The following RBFOX1 variants were observed in gnomAD, a reference collection of about 807,000 sequenced individuals.
RBFOX1 encodes the protein RNA binding fox-1 homolog 1.
In RBFOX1, 8 loss-of-function variants were observed where a neutral mutation model predicts 57.7. The observed-to-expected ratio is 0.14, with a 90% CI of 0.08 to 0.25. RBFOX1 has a LOEUF of 0.25. Among genes scored for constraint, RBFOX1 ranks in the 10% least tolerant of loss-of-function variants. RBFOX1 has a pLI of 1.00. For synonymous variants in RBFOX1, 326 were observed against 222.4 expected (o/e 1.47, Z -4.15); for missense variants, 611 against 548.5 (o/e 1.11, Z -1.14).
Position 7,504,787 on chromosome 16 carries a change from T to TTTATATATATATATATATTTA in RBFOX1, c.28-13359_28-13358insTATATATATATATATATTTAT, listed in dbSNP as rs1567555340. Among the ~76,000 whole-genome samples, 3 of 9,370 alleles carry TTTATATATATATATATATTTA rather than the reference T, an allele frequency of 3.2e-4. 1 individual carries two copies. The highest frequency in any genetic ancestry group is 1.1e-3 in the African/African-American group (3 of 2,732). The allele number at this position is 9,370 out of a possible 152,430, so 6.1% of individuals were successfully genotyped here. ...TATATATATTTATATATATATATAT[T>TTTATATATATATATATATTTA]TATATATATATATATTTATATATAT... is the stretch of plus-strand genomic sequence containing the variant. On this transcript the variant is annotated intron_variant, in intron 4 of 15. Coordinates refer to ENST00000550418, the MANE Select transcript of RBFOX1 (RefSeq NM_018723.4).
At chr16:6,219,085 T>TA (rs1265397577) in intron 1 of RBFOX1, among the ~76,000 whole-genome samples, 1 of 152,130 alleles carries the variant, frequency 6.6e-6, no homozygotes, top group Non-Finnish European at 1.5e-5. Context: ...AGAGGGGCAA[T>TA]AAAAAATCAA....
chr16:7,249,370 C>T (rs1482215241), intron 4 of RBFOX1, among the ~76,000 whole-genome samples: 3 of 151,960 alleles, frequency 2.0e-5, no homozygotes, highest in Non-Finnish European at 4.4e-5. Flanking sequence ...CAAAATCTAC[C>T]TGAGAATTTG....
intron 1 of RBFOX1, chr16:5,240,238 C>T (rs1397391708): frequency 3.4e-5 from 23 of 677,058 alleles, no homozygotes; most frequent in Non-Finnish European, 5.3e-5. Context: ...CTCCGGCGGG[C>T]GCGGAGTGAC....
At chr16:7,091,214 C>G (rs2060797033) in intron 4 of RBFOX1, among the ~76,000 whole-genome samples, 1 of 151,896 alleles carries the variant, frequency 6.6e-6, no homozygotes, top group Non-Finnish European at 1.5e-5. Context: ...TCCAAGTACA[C>G]TTCCTCTGTT....
chr16:7,604,366 A>G (rs1236710788), intron 9 of RBFOX1, among the ~76,000 whole-genome samples: 3 of 152,218 alleles, frequency 2.0e-5, no homozygotes, highest in Non-Finnish European at 4.4e-5. Context: ...TGATGACCCA[A>G]GCATTTCATT....
chr16:7,679,838 C>A (rs1440587759), intron 14 of RBFOX1, among the ~76,000 whole-genome samples: 1 of 151,996 alleles, frequency 6.6e-6, no homozygotes, highest in African/African-American at 2.4e-5. Flanking sequence ...GCAGAGATTT[C>A]CCCAAAAGAA....
At chr16:6,743,728 G>A (rs936242231) in intron 3 of RBFOX1, among the ~76,000 whole-genome samples, 1 of 151,656 alleles carries the variant, frequency 6.6e-6, no homozygotes, top group Non-Finnish European at 1.5e-5. Context: ...GCACTCCACT[G>A]CACTCAGGGC....
chr16:5,367,296 G>A (rs905879258), intron 1 of RBFOX1, among the ~76,000 whole-genome samples: 17 of 152,176 alleles, frequency 1.1e-4, no homozygotes, highest in African/African-American at 2.9e-4. Flanking sequence ...CAGTGATGCG[G>A]TTGCTCGCTC....
At chr16:7,316,468 C>G (rs879854184) in intron 4 of RBFOX1, among the ~76,000 whole-genome samples, 2 of 151,972 alleles carry the variant, frequency 1.3e-5, no homozygotes, top group Non-Finnish European at 2.9e-5. Flanking sequence ...AATTAATTTA[C>G]TCACTCATTC....
At chr16:7,228,719 A>G (rs2093307021) in intron 4 of RBFOX1, among the ~76,000 whole-genome samples, 1 of 152,234 alleles carries the variant, frequency 6.6e-6, no homozygotes, top group South Asian at 2.1e-4. Context: ...GACGTGAAAG[A>G]ACATTAATTC....
chr16:7,502,048 C>T (rs1018798112), intron 4 of RBFOX1, among the ~76,000 whole-genome samples: 1 of 152,170 alleles, frequency 6.6e-6, no homozygotes, highest in Admixed American at 6.5e-5. Context: ...GCAATCTCTC[C>T]TAATTTCATT....
At chr16:7,197,203 C>T (rs939947821) in intron 4 of RBFOX1, among the ~76,000 whole-genome samples, 2 of 152,146 alleles carry the variant, frequency 1.3e-5, no homozygotes, top group South Asian at 4.1e-4. Flanking sequence ...TGTGGCTCTT[C>T]CAAGCCTCCT....
intron 1 of RBFOX1, among the ~76,000 whole-genome samples, chr16:5,378,858 T>C (rs894578441): frequency 6.6e-6 from 1 of 151,600 alleles, no homozygotes; most frequent in East Asian, 1.9e-4. Context: ...TAAATGTTCA[T>C]TTTATGATTA....
intron 2 of RBFOX1, among the ~76,000 whole-genome samples, chr16:5,488,898 T>C (rs1026920946): frequency 1.3e-5 from 2 of 152,176 alleles, no homozygotes; most frequent in South Asian, 4.1e-4. Flanking sequence ...AATATGATGG[T>C]GATACAATAG....
chr16:5,865,653 T>C (rs1245690263), intron 3 of RBFOX1, among the ~76,000 whole-genome samples: 1 of 152,172 alleles, frequency 6.6e-6, no homozygotes, highest in Non-Finnish European at 1.5e-5. Context: ...CAGGAAGTCA[T>C]TCGTTCTTAA....
At chr16:6,160,321 G>T (rs116168047) in intron 1 of RBFOX1, among the ~76,000 whole-genome samples, 1,792 of 152,216 alleles carry the variant, frequency 0.012, 34 homozygotes, top group African/African-American at 0.04. Flanking sequence ...GATATATATA[G>T]ATAGTAAAGT....
chr16:5,952,579 G>T (rs992900652), intron 4 of RBFOX1, among the ~76,000 whole-genome samples: 1 of 152,156 alleles, frequency 6.6e-6, no homozygotes, highest in Non-Finnish European at 1.5e-5. Context: ...AAGTCACCAT[G>T]CCCAGCCTAT....
At chr16:6,533,477 C>G (rs957591469) in intron 2 of RBFOX1, among the ~76,000 whole-genome samples, 2 of 151,770 alleles carry the variant, frequency 1.3e-5, no homozygotes, top group Non-Finnish European at 2.9e-5. Flanking sequence ...AGCAGTGGTT[C>G]TGGACTCTAC....
intron 4 of RBFOX1, among the ~76,000 whole-genome samples, chr16:7,263,913 T>C (rs1437467495): frequency 5.2e-5 from 6 of 115,462 alleles, no homozygotes; most frequent in African/African-American, 1.1e-4. Context: ...AATATATATA[T>C]ATAAATTAAA....
Sources: allele counts gnomAD v4.1 joint callset (sites outside exome capture counted in the v4.1 genomes callset), GRCh38; gene constraint gnomAD v4.1.1; transcripts MANE v1.5; gene names NCBI Gene and HGNC (gene_info 2026-07-23, HGNC 2026-07-21).